PHF24: variants seen among roughly 807,000 people sequenced by gnomAD.
The protein encoded by PHF24 is PHD finger protein 24, also known as Galpha inhibitory interacting protein.
A neutral mutation model predicts 42.6 loss-of-function variants in PHF24; 25 were observed. The observed-to-expected ratio is 0.59, with a 90% CI of 0.43 to 0.82. The LOEUF is 0.82. Ranked by LOEUF, PHF24 falls within the 40% of genes least tolerant of loss-of-function variation. PHF24 has a pLI of 0.00. For synonymous variants in PHF24, 185 were observed against 204.8 expected (o/e 0.90, Z 0.83); for missense variants, 470 against 538.1 (o/e 0.87, Z 1.25).
the PHF24 span, among the ~76,000 whole-genome samples, chr9:34,901,624 C>T: frequency 5.3e-5 from 8 of 151,964 alleles, no homozygotes; most frequent in East Asian, 1.9e-4. Context: ...GGGGGTCGGG[C>T]GTGGTGACTG....
At chr9:34,809,037 T>TA in the PHF24 span, among the ~76,000 whole-genome samples, 465 of 104,064 alleles carry the variant, frequency 4.5e-3, 19 homozygotes, top group East Asian at 0.17. The surrounding 1 kb of genome is among the most constrained non-coding windows in gnomAD (Gnocchi z 4.1). Flanking sequence ...TAAAGTATAA[T>TA]AAAAAAAAAA....
chr9:34,726,728 G>T, the PHF24 span: 1 of 1,551,760 alleles, frequency 6.4e-7, no homozygotes, highest in Non-Finnish European at 8.7e-7. Flanking sequence ...TTGTGACAGT[G>T]TTGGGGTTAC....
chr9:34,691,426 C>T, the PHF24 span: 1 of 448,420 alleles, frequency 2.2e-6, no homozygotes, highest in South Asian at 2.8e-5. Context: ...TGCGGTTGCC[C>T]TTTCCTTCTG....
chr9:34,750,297 C>A, the PHF24 span, among the ~76,000 whole-genome samples: 1 of 151,906 alleles, frequency 6.6e-6, no homozygotes, highest in South Asian at 2.1e-4. Flanking sequence ...GAGTTTGAGA[C>A]CAGACTGGTC....
the PHF24 span, among the ~76,000 whole-genome samples, chr9:34,894,819 C>T: frequency 6.6e-6 from 1 of 152,128 alleles, no homozygotes; most frequent in African/African-American, 2.4e-5. Flanking sequence ...CCTAATTCCT[C>T]ATTCTTTATT....
the PHF24 span, among the ~76,000 whole-genome samples, chr9:34,757,339 C>A: frequency 9.2e-5 from 14 of 151,674 alleles, no homozygotes; most frequent in African/African-American, 3.4e-4. Context: ...TTGGTGTTCA[C>A]ATATAGAAAT....
At chr9:34,854,155 G>T in the PHF24 span, among the ~76,000 whole-genome samples, 6 of 141,514 alleles carry the variant, frequency 4.2e-5, no homozygotes, top group Non-Finnish European at 6.1e-5. Flanking sequence ...GTGTCTATTT[G>T]GTTCTCTCTT....
chr9:34,883,123 C>G, the PHF24 span, among the ~76,000 whole-genome samples: 1 of 152,194 alleles, frequency 6.6e-6, no homozygotes, highest in Non-Finnish European at 1.5e-5. Flanking sequence ...AAAGGATTCC[C>G]TATTTAATAG....
the PHF24 span, among the ~76,000 whole-genome samples, chr9:34,907,180 TTATC>T: frequency 6.6e-6 from 1 of 152,138 alleles, no homozygotes; most frequent in Admixed American, 6.5e-5. Flanking sequence ...CCAGGGAACT[TTATC>T]TGTGTAGGAC....
At chr9:34,934,233 A>G in the PHF24 span, among the ~76,000 whole-genome samples, 10 of 152,222 alleles carry the variant, frequency 6.6e-5, no homozygotes, top group African/African-American at 4.8e-5. Flanking sequence ...TCCAGAAGGC[A>G]GAAACAAACA....
chr9:34,793,293 C>T, the PHF24 span, among the ~76,000 whole-genome samples: 1 of 152,160 alleles, frequency 6.6e-6, no homozygotes. Context: ...ACCTCAAGAA[C>T]CATTGTCAAC....
At chr9:34,924,138 T>C in the PHF24 span, among the ~76,000 whole-genome samples, 2 of 152,218 alleles carry the variant, frequency 1.3e-5, no homozygotes, top group African/African-American at 4.8e-5. Context: ...TATTTCTAGT[T>C]TTATTCCATT....
chr9:34,947,078 T>TTA, the PHF24 span, among the ~76,000 whole-genome samples: 31 of 152,326 alleles, frequency 2.0e-4, no homozygotes, highest in African/African-American at 7.0e-4. Context: ...CAGCTGCCAA[T>TTA]TATAGTATTG....
chr9:34,892,065 G>T, the PHF24 span, among the ~76,000 whole-genome samples: 4 of 152,148 alleles, frequency 2.6e-5, no homozygotes, highest in African/African-American at 9.7e-5. Flanking sequence ...TCAGACCAGG[G>T]ATCTCTAAAG....
the PHF24 span, chr9:34,691,067 C>A: frequency 6.3e-7 from 1 of 1,588,320 alleles, no homozygotes; most frequent in South Asian, 1.2e-5. Flanking sequence ...CTGCCTCTGA[C>A]CCTGACTCTC....
chr9:34,702,747 C>G, the PHF24 span, among the ~76,000 whole-genome samples: 1 of 152,188 alleles, frequency 6.6e-6, no homozygotes, highest in Admixed American at 6.5e-5. Flanking sequence ...GAGTTGGAGA[C>G]TGCAGTGAGC....
the PHF24 span, chr9:34,728,524 T>A: frequency 2.2e-6 from 3 of 1,351,376 alleles, no homozygotes; most frequent in Non-Finnish European, 3.1e-6. Context: ...AGCACCTGGC[T>A]CTTGGCTCCA....
rs1351779682 is a variant in PHF24 at position 34,958,863 on chromosome 9, A to C, written c.-5+462A>C. Among the ~76,000 whole-genome samples, 1 of 152,044 alleles carries C rather than the reference A, an allele frequency of 6.6e-6. No individual in the cohort carries two copies. The highest frequency in any genetic ancestry group is 6.5e-5 in the Admixed American group (1 of 15,280). On this transcript the variant is annotated intron_variant, in intron 1 of 7. Coordinates refer to ENST00000242315, the Ensembl canonical transcript of PHF24. The surrounding 1 kb of genome is among the most constrained non-coding windows in gnomAD (Gnocchi z 4.5). ...CTGTGCCCTAGAACTGTGGGAAGCAACCTCTGACTGGGGAGGGGGATCCTC... is the reference window on the plus strand; with the variant it reads ...CTGTGCCCTAGAACTGTGGGAAGCACCCTCTGACTGGGGAGGGGGATCCTC...
the PHF24 span, among the ~76,000 whole-genome samples, chr9:34,877,292 A>AG: frequency 6.6e-6 from 1 of 152,012 alleles, no homozygotes; most frequent in Admixed American, 6.6e-5. Context: ...AAAAAAAAAA[A>AG]AAAAGAAAAA....
Sources: allele counts gnomAD v4.1 joint callset (sites outside exome capture counted in the v4.1 genomes callset), GRCh38; gene constraint gnomAD v4.1.1; non-coding constraint Gnocchi (gnomAD v3.1); transcripts MANE v1.5; gene names NCBI Gene and HGNC (gene_info 2026-07-23, HGNC 2026-07-21).